The following BRD4 variants were observed in gnomAD, a reference collection of about 807,000 sequenced individuals.
The protein encoded by BRD4 is bromodomain containing 4.
BRD4 carries 16 observed loss-of-function variants against 142.1 expected under a neutral mutation model. The observed-to-expected ratio is 0.11, with a 90% CI of 0.08 to 0.17. The LOEUF (loss-of-function observed/expected upper bound fraction) is 0.17, where lower values mean the gene tolerates loss of function less well. BRD4 is among the 10% of genes least tolerant of loss of function. The pLI, the probability that BRD4 is intolerant of heterozygous loss-of-function variation, is 1.00. For missense variants in BRD4, 1,424 were observed against 1,810.9 expected (o/e 0.79, Z 3.88); for synonymous variants, 833 against 707.5 (o/e 1.18, Z -2.82).
chr19:15,315,927 G>A (rs957651939), intron 1 of BRD4, among the ~76,000 whole-genome samples: 16 of 150,924 alleles, frequency 1.1e-4, no homozygotes, highest in African/African-American at 2.9e-4. Flanking sequence ...AGGCCGAGGC[G>A]GGCGGATCAC....
At chr19:15,285,531 C>A (rs534921590) in intron 1 of BRD4, among the ~76,000 whole-genome samples, 1 of 152,008 alleles carries the variant, frequency 6.6e-6, no homozygotes, top group Non-Finnish European at 1.5e-5. Context: ...CACCACTGCA[C>A]TCCAACTTGG....
At position 15,238,693 on chromosome 19, in the gene BRD4, C is replaced by T. The variant is rs751522734; in HGVS notation, c.4020+50G>A. On this transcript the variant is annotated intron_variant, in intron 19 of 19. Transcript: ENST00000679869. The surrounding 1 kb of genome is among the most constrained non-coding windows in gnomAD (Gnocchi z 7.2). ...GCTCCAGTCCCCCTTTCCCAGCTCC[C>T]TCAGGAGCTAATCCTTAGACCAGGG... 2.0e-6 allele frequency: 3 copies of T among 1,463,894 alleles called. No individual in the cohort carries two copies. Among genetic ancestry groups the T allele is most frequent in the South Asian group, 2.9e-5 (2 of 69,682 alleles). 90.7% of individuals were successfully genotyped at this position (1,463,894 alleles called of 1,614,324 possible). A position where few individuals can be genotyped will look rare whatever the true frequency, so the allele number is the denominator to read the frequency against.
chr19:15,247,919 A>G (rs902417871), intron 11 of BRD4: 9 of 226,354 alleles, frequency 4.0e-5, no homozygotes, highest in Non-Finnish European at 7.0e-5. Context: ...CTGCTTCCAC[A>G]GCAAATCTGG....
chr19:15,243,905 T>A (rs780633930), intron 13 of BRD4, among the ~76,000 whole-genome samples: 1 of 152,172 alleles, frequency 6.6e-6, no homozygotes, highest in African/African-American at 2.4e-5. Flanking sequence ...TGAGAAAAGC[T>A]GCAGAGGGGT....
At chr19:15,326,250 G>A (rs997379922) in intron 1 of BRD4, among the ~76,000 whole-genome samples, 1 of 150,994 alleles carries the variant, frequency 6.6e-6, no homozygotes, top group Non-Finnish European at 1.5e-5. Flanking sequence ...ATCACTTGAG[G>A]CGAGAGGTTC....
chr19:15,254,858 TG>T, intron 10 of BRD4, among the ~76,000 whole-genome samples: 1 of 152,256 alleles, frequency 6.6e-6, no homozygotes, highest in Non-Finnish European at 1.5e-5. Flanking sequence ...AAGAGCTGCC[TG>T]GAAGAGTCCA....
chr19:15,331,622 G>A (rs1185495768), intron 1 of BRD4, among the ~76,000 whole-genome samples: 3 of 152,138 alleles, frequency 2.0e-5, no homozygotes, highest in Admixed American at 2.0e-4. Context: ...CCTCCGCAGG[G>A]GACCTGCCCC....
chr19:15,244,845 G>C (rs2047271846), intron 11 of BRD4, 83 bp from the exon 12 acceptor site: 2 of 1,606,078 alleles, frequency 1.2e-6, no homozygotes, highest in East Asian at 2.2e-5. Context: ...CGAGAAAACA[G>C]GGCACTTTCA....
At chr19:15,241,529 T>C (rs1178007957) in intron 14 of BRD4, among the ~76,000 whole-genome samples, 1 of 152,208 alleles carries the variant, frequency 6.6e-6, no homozygotes, top group Non-Finnish European at 1.5e-5. Flanking sequence ...TGATGCCCCA[T>C]CCTAGCCTGC....
chr19:15,287,669 G>A (rs2047750384), intron 1 of BRD4, among the ~76,000 whole-genome samples: 1 of 152,112 alleles, frequency 6.6e-6, no homozygotes, highest in African/African-American at 2.4e-5. Context: ...GACTCCTATA[G>A]GTACCCAGCG....
intron 1 of BRD4, among the ~76,000 whole-genome samples, chr19:15,326,013 A>AG (rs1202089366): frequency 6.6e-6 from 1 of 150,774 alleles, no homozygotes; most frequent in African/African-American, 2.4e-5. Flanking sequence ...AAAAAAAAAA[A>AG]AAAAAGAAAG....
At chr19:15,260,054 C>G (rs2047452851) in intron 7 of BRD4, among the ~76,000 whole-genome samples, 2 of 152,194 alleles carry the variant, frequency 1.3e-5, no homozygotes, top group Admixed American at 6.5e-5. Context: ...TGAGACCCAG[C>G]TGAGGCCCAG....
rs1196808917 is a variant in BRD4 at position 15,264,508 on chromosome 19, C to T, written c.1108G>A (p.Ala370Thr). ...ILKEMFAKKH[A>T]AYAWPFYKPV... is the part of the protein sequence containing the mutation. ...TTGTAGAAGGGCCAGGCGTAGGCGG[C>T]GTGCTTCTTGGCAAACATCTCCTTG... Residue 370 changes from alanine to threonine, a missense_variant, in exon 6 of 20, where the codon GCC (alanine) becomes ACC (threonine). Ala to Thr is a moderately conservative substitution (Grantham distance 58). Transcript: ENST00000679869. 2 of 1,613,862 alleles carry T rather than the reference C, an allele frequency of 1.2e-6. No individual in the cohort carries two copies. The highest frequency in any genetic ancestry group is 1.7e-4 in the Middle Eastern group (1 of 6,060).
intron 1 of BRD4, among the ~76,000 whole-genome samples, chr19:15,296,724 G>A (rs2047825898): frequency 1.3e-5 from 2 of 152,136 alleles, no homozygotes; most frequent in Non-Finnish European, 1.5e-5. Flanking sequence ...TCCGTCCAGC[G>A]GCAGAGCTTT....
intron 1 of BRD4, among the ~76,000 whole-genome samples, chr19:15,284,681 C>G (rs2047727650): frequency 6.6e-6 from 1 of 152,218 alleles, no homozygotes; most frequent in Admixed American, 6.5e-5. Flanking sequence ...GTGTCTACTT[C>G]TGTCCAGACA....
At position 15,316,282 on chromosome 19, in the gene BRD4, T is replaced by G. The variant is rs148251784; in HGVS notation, c.-35+16008A>C. Among the ~76,000 whole-genome samples the G allele has an allele frequency of 7.2e-3, 1,100 of 151,868 alleles. 9 individuals carry two copies. Among genetic ancestry groups the G allele is most frequent in the Admixed American group, 9.3e-3 (141 of 15,240 alleles). On this transcript the variant is annotated intron_variant, in intron 1 of 19. Coordinates refer to ENST00000679869, the MANE Select transcript of BRD4 (RefSeq NM_001379291.1). ...TAAAGACACACTCCAGTTTACTTACTTCCCCCCAACCATCCCGCTTCTATA... is the reference window on the plus strand; with the variant it reads ...TAAAGACACACTCCAGTTTACTTACGTCCCCCCAACCATCCCGCTTCTATA...
chr19:15,265,712 G>C, intron 4 of BRD4, 69 bp from the exon 5 acceptor site: 1 of 1,499,402 alleles, frequency 6.7e-7, no homozygotes, highest in Non-Finnish European at 9.3e-7. Flanking sequence ...ACCTCGTGGG[G>C]ACATACACCA....
rs1317559455 is a variant in BRD4, at chr19:15,238,603, T to A, written c.4020+140A>T. On this transcript the variant is annotated intron_variant, in intron 19 of 19. Transcript: ENST00000679869. The surrounding 1 kb of genome is among the most constrained non-coding windows in gnomAD (Gnocchi z 7.2). ...CACACAGCACTCAGGGCCCTACAGC[T>A]GAGTCCAGAGGACCACATGCCGACC... The A allele has an allele frequency of 6.8e-7, 1 of 1,479,236 alleles. No individual in the cohort carries two copies. Among genetic ancestry groups the A allele is most frequent in the Non-Finnish European group, 9.0e-7 (1 of 1,112,448 alleles). The allele number at this position is 1,479,236 out of a possible 1,614,324, so 91.6% of individuals were successfully genotyped here. A position where few individuals can be genotyped will look rare whatever the true frequency, so the allele number is the denominator to read the frequency against.
intron 1 of BRD4, among the ~76,000 whole-genome samples, chr19:15,316,708 T>C (rs572335325): frequency 1.3e-5 from 2 of 152,264 alleles, no homozygotes; most frequent in Non-Finnish European, 2.9e-5. Context: ...AATGTCTTCA[T>C]GAGAAACTCC....
Sources: gnomAD v4.1 joint callset for allele counts (sites outside exome capture counted in the v4.1 genomes callset) on GRCh38, gnomAD v4.1.1 for gene constraint, Gnocchi (gnomAD v3.1) non-coding constraint, MANE v1.5 for transcripts, NCBI Gene and HGNC (gene_info 2026-07-23, HGNC 2026-07-21) for gene names.